OPCML: variants seen among roughly 807,000 people sequenced by gnomAD.
OPCML encodes the protein opioid-binding protein/cell adhesion molecule.
A neutral mutation model predicts 37.8 loss-of-function variants in OPCML; 13 were observed. The ratio of observed to expected loss-of-function variants is 0.34; its 90% CI spans 0.22 to 0.55. The LOEUF (loss-of-function observed/expected upper bound fraction) is 0.55. Among genes scored for constraint, OPCML ranks in the 20% least tolerant of loss-of-function variants. The pLI, the probability that OPCML is intolerant of heterozygous loss-of-function variation, is 0.91. For missense variants in OPCML, 341 were observed against 435.6 expected, an observed-to-expected ratio of 0.78 and a Z score of 1.93; for synonymous variants, 176 against 168.8, an observed-to-expected ratio of 1.04 and a Z score of -0.33.
At chr11:133,044,802 G>A (rs12419190) in intron 1 of OPCML, among the ~76,000 whole-genome samples, 30,338 of 151,978 alleles carry the variant, frequency 0.2, 3,290 homozygotes, top group South Asian at 0.36. Context: ...GTACAGGGGA[G>A]CATACAGAAC....
At chr11:133,510,881 C>T (rs973544301) in intron 1 of OPCML, among the ~76,000 whole-genome samples, 1 of 148,436 alleles carries the variant, frequency 6.7e-6, no homozygotes, top group Non-Finnish European at 1.5e-5. Flanking sequence ...GATATGCCAG[C>T]CACATACACA....
intron 3 of OPCML, among the ~76,000 whole-genome samples, chr11:132,559,730 G>A (rs991274834): frequency 2.6e-5 from 4 of 152,092 alleles, no homozygotes; most frequent in Admixed American, 6.5e-5. Context: ...AAGATAAGAC[G>A]AAAAGAAAAC....
intron 1 of OPCML, among the ~76,000 whole-genome samples, chr11:133,082,164 T>C (rs1310790689): frequency 6.6e-6 from 1 of 151,592 alleles, no homozygotes; most frequent in East Asian, 2.0e-4. Flanking sequence ...AGCCCGGGCC[T>C]GGGCCTCCGC....
rs749099654 is a variant in OPCML at position 132,441,158 on chromosome 11, C to CTTTTT, written c.506-3804_506-3800dup. ...ATTCTGAAGATGTGTTCACCAAGGACTTTTTTGTTTTTTTTTTTTTTTTTT... is the reference window on the plus strand; with the variant it reads ...ATTCTGAAGATGTGTTCACCAAGGACTTTTTTTTTTTGTTTTTTTTTTTTTTTTTT... On this transcript the variant is annotated intron_variant, in intron 4 of 7. Transcript: ENST00000524381. Among the ~76,000 whole-genome samples, 17 of 108,050 alleles carry CTTTTT rather than the reference C, an allele frequency of 1.6e-4. 1 individual carries two copies. Among genetic ancestry groups the CTTTTT allele is most frequent in the Admixed American group, 4.7e-4 (5 of 10,664 alleles). The allele number at this position is 108,050 out of a possible 152,430, so 70.9% of individuals were successfully genotyped here. A position where few individuals can be genotyped will look rare whatever the true frequency, so the allele number is the denominator to read the frequency against.
At chr11:133,469,999 C>T (rs1341033109) in intron 1 of OPCML, among the ~76,000 whole-genome samples, 1 of 152,174 alleles carries the variant, frequency 6.6e-6, no homozygotes, top group East Asian at 1.9e-4. Flanking sequence ...CAGTAGTCAT[C>T]ATTTTATTTG....
chr11:132,549,622 C>A (rs2096376921), intron 3 of OPCML, among the ~76,000 whole-genome samples: 1 of 152,170 alleles, frequency 6.6e-6, no homozygotes, highest in South Asian at 2.1e-4. Flanking sequence ...AAAGAGTAGC[C>A]TGTAAAGTCG....
chr11:133,191,557 A>G (rs1023726669), intron 1 of OPCML, among the ~76,000 whole-genome samples: 3 of 148,584 alleles, frequency 2.0e-5, no homozygotes, highest in African/African-American at 7.5e-5. Flanking sequence ...CACTCTTGTC[A>G]TCCAGGCTGG....
At chr11:132,583,438 A>G (rs998807022) in intron 3 of OPCML, among the ~76,000 whole-genome samples, 1 of 152,038 alleles carries the variant, frequency 6.6e-6, no homozygotes, top group African/African-American at 2.4e-5. Context: ...AACCGGGTCT[A>G]CAGGCACGTG....
intron 4 of OPCML, among the ~76,000 whole-genome samples, chr11:132,467,650 G>A (rs2096123924): frequency 6.6e-6 from 1 of 152,174 alleles, no homozygotes; most frequent in Admixed American, 6.5e-5. Flanking sequence ...TATGCTCACT[G>A]GAGAATACTG....
chr11:133,047,665 C>G (rs75037106), intron 1 of OPCML, among the ~76,000 whole-genome samples: 2,880 of 152,292 alleles, frequency 0.019, 88 homozygotes, highest in African/African-American at 0.065. Context: ...CACTTCTCCA[C>G]CCCTCCTCCG....
chr11:133,394,625 T>A (rs1945248157), intron 1 of OPCML, among the ~76,000 whole-genome samples: 2 of 151,852 alleles, frequency 1.3e-5, no homozygotes, highest in South Asian at 4.1e-4. Context: ...ATTGTTTTAA[T>A]TTTTATCCTA....
chr11:133,393,791 A>C (rs1945227063), intron 1 of OPCML, among the ~76,000 whole-genome samples: 1 of 152,240 alleles, frequency 6.6e-6, no homozygotes. Context: ...CCCAGGTTCT[A>C]GAAGATTTTC....
chr11:132,450,582 G>T (rs1033516804), intron 4 of OPCML, among the ~76,000 whole-genome samples: 5 of 147,076 alleles, frequency 3.4e-5, no homozygotes, highest in Admixed American at 2.7e-4. Context: ...ACTCTAGAGG[G>T]TTTTTTTTTT....
intron 1 of OPCML, among the ~76,000 whole-genome samples, chr11:133,286,767 G>C (rs993551618): frequency 6.6e-6 from 1 of 152,078 alleles, no homozygotes; most frequent in African/African-American, 2.4e-5. Flanking sequence ...TAAAATCCAT[G>C]AATAAAAGGA....
chr11:133,449,151 G>T (rs1946529161), intron 1 of OPCML, among the ~76,000 whole-genome samples: 1 of 152,234 alleles, frequency 6.6e-6, no homozygotes, highest in East Asian at 1.9e-4. Flanking sequence ...TTGTTCAGGT[G>T]TTGAGAAATG....
chr11:133,312,471 G>T (rs368604036), intron 1 of OPCML, among the ~76,000 whole-genome samples: 5 of 152,208 alleles, frequency 3.3e-5, no homozygotes, highest in Non-Finnish European at 7.3e-5. Context: ...AAGATGAGCC[G>T]TAGCCCTGAA....
In OPCML at chr11:133,155,792, A is replaced by G. The variant is rs577471879; in HGVS notation, c.62-212782T>C. ...GCTCCTGGCTCATTCCTCCTCCTCC[A>G]GTCCCCATTTTGGACACAGCTTTCC... On this transcript the variant is annotated intron_variant, in intron 1 of 7. Coordinates refer to ENST00000524381, the MANE Select transcript of OPCML (RefSeq NM_001012393.5). 2.0e-5 allele frequency among the ~76,000 whole-genome samples: 3 copies of G among 152,210 alleles called. No individual in the cohort carries two copies. In the South Asian group the frequency reaches 6.2e-4, roughly 32 times the overall value.
intron 1 of OPCML, among the ~76,000 whole-genome samples, chr11:133,483,609 T>C (rs981264159): frequency 6.6e-6 from 1 of 151,158 alleles, no homozygotes; most frequent in East Asian, 2.0e-4. Flanking sequence ...TAGAAAGAGA[T>C]TTATAGATAG....
intron 2 of OPCML, among the ~76,000 whole-genome samples, chr11:132,834,479 G>T (rs1457747649): frequency 1.3e-5 from 2 of 152,150 alleles, no homozygotes; most frequent in African/African-American, 4.8e-5. Flanking sequence ...GTGTTGGCAG[G>T]GCCATGCCCC....
Sources: gnomAD v4.1 joint callset for allele counts (sites outside exome capture counted in the v4.1 genomes callset) on GRCh38, gnomAD v4.1.1 for gene constraint, MANE v1.5 for transcripts, NCBI Gene and HGNC (gene_info 2026-07-23, HGNC 2026-07-21) for gene names.